TEX52: variants seen among roughly 807,000 people sequenced by gnomAD.
The protein encoded by TEX52 is testis-expressed protein 52.
TEX52 carries 22 observed loss-of-function variants against 17.6 expected under a neutral mutation model. That is an observed-to-expected ratio of 1.25 (90% CI 0.89 to 1.78). The LOEUF (loss-of-function observed/expected upper bound fraction) is 1.78. TEX52 is among the 40% of genes most tolerant of loss of function. The probability of loss-of-function intolerance (pLI) is 0.00; values close to 1 mark genes in which losing one functional copy is unlikely to be tolerated. For synonymous variants in TEX52, 168 were observed against 147.4 expected, an observed-to-expected ratio of 1.14 and a Z score of -1.01; for missense variants, 396 against 372.3, an observed-to-expected ratio of 1.06 and a Z score of -0.52.
At chr12:2,854,850 T>C (rs2098082158) in intron 2 of TEX52, 46 bp downstream of exon 2, 1 of 1,487,624 alleles carries the variant, frequency 6.7e-7, no homozygotes, top group Non-Finnish European at 8.9e-7. Flanking sequence ...AGGGGTCACC[T>C]GGGCAGGGCA....
intron 2 of TEX52, among the ~76,000 whole-genome samples, chr12:2,854,111 C>T (rs539222575): frequency 1.5e-4 from 23 of 152,294 alleles, no homozygotes; most frequent in African/African-American, 4.1e-4. Context: ...CTGCAACCTC[C>T]GCCTCCCAGG....
chr12:2,849,761 C>T (rs950644755), intron 2 of TEX52, among the ~76,000 whole-genome samples: 1 of 152,176 alleles, frequency 6.6e-6, no homozygotes, highest in East Asian at 1.9e-4. Context: ...AGCTAGTAAG[C>T]CTTCCATCCT....
chr12:2,855,133 G>A lies in TEX52; in HGVS notation c.386C>T (p.Ala129Val), dbSNP rs1291409204. The change falls in exon 2 of 3, where the codon GCC (alanine) becomes GTC (valine). Residue 129 changes from alanine (A) to valine (V), a missense_variant. Coordinates refer to ENST00000637658, the MANE Select transcript of TEX52 (RefSeq NM_001365174.2). ...NVWRWLTDSN[A>V]HRCPPTEHPI... ...GTGCTCCGTGGGGGGGCATCTGTGG[G>A]CATTGGAGTCGGTCAGCCAGCGCCA... 5 of 1,532,248 alleles carry A rather than the reference G, an allele frequency of 3.3e-6. No individual in the cohort carries two copies. Among genetic ancestry groups the A allele is most frequent in the Admixed American group, 2.0e-5 (1 of 50,862 alleles). 94.9% of individuals were successfully genotyped at this position (1,532,248 alleles called of 1,614,324 possible). A position where few individuals can be genotyped will look rare whatever the true frequency, so the allele number is the denominator to read the frequency against.
In TEX52 at chr12:2,855,280, C is replaced by T. The variant is rs999847870; in HGVS notation, c.239G>A (p.Arg80Gln). 27 of 1,517,558 alleles carry T rather than the reference C, an allele frequency of 1.8e-5. No homozygotes were observed. The highest frequency in any genetic ancestry group is 1.7e-4 in the Middle Eastern group (1 of 5,944). 94.0% of individuals were successfully genotyped at this position (1,517,558 alleles called of 1,614,324 possible). ...CTDMKSKVRQ[R>Q]LIHPWKGGAQ... is the part of the protein sequence containing the mutation. ...GCCACCCTTCCAAGGGTGGATGAGC[C>T]GCTGACGCACCTTGGACTTCATATC... The change falls in exon 2 of 3, where the codon CGG (arginine) becomes CAG (glutamine). Residue 80 changes from arginine (R) to glutamine (Q), a missense_variant. Arg to Gln is a conservative substitution (Grantham distance 43). Coordinates refer to ENST00000637658, the MANE Select transcript of TEX52 (RefSeq NM_001365174.2).
At chr12:2,850,079 A>G (rs575015588) in intron 2 of TEX52, among the ~76,000 whole-genome samples, 2 of 152,152 alleles carry the variant, frequency 1.3e-5, no homozygotes, top group Non-Finnish European at 2.9e-5. Context: ...CTGGCTGCAC[A>G]TTACAATCAC....
chr12:2,853,775 G>A lies in TEX52; in HGVS notation c.623+1121C>T, dbSNP rs550933811. ...GGCTGGACACAGTTGGGAAGCATCC[G>A]TGAGTTCCCAGGGTGGCCGGGAGGG... On this transcript the variant is annotated intron_variant, in intron 2 of 2. Transcript: ENST00000637658. Among the ~76,000 whole-genome samples the A allele has an allele frequency of 2.6e-4, 39 of 152,180 alleles. 1 individual carries two copies. Among genetic ancestry groups the A allele is most frequent in the South Asian group, 8.3e-4 (4 of 4,820 alleles).
intron 2 of TEX52, among the ~76,000 whole-genome samples, chr12:2,853,946 G>T (rs1430264974): frequency 1.3e-5 from 2 of 152,160 alleles, no homozygotes; most frequent in African/African-American, 4.8e-5. Flanking sequence ...TCCCCATGAG[G>T]CCTTCCTGTG....
In TEX52 at chr12:2,855,136, T is replaced by C. The variant is rs1333854175; in HGVS notation, c.383A>G (p.Asn128Ser). 2.0e-6 allele frequency: 3 copies of C among 1,531,012 alleles called. No individual in the cohort carries two copies. Among genetic ancestry groups the C allele is most frequent in the South Asian group, 1.2e-5 (1 of 83,556 alleles). 94.8% of individuals were successfully genotyped at this position (1,531,012 alleles called of 1,614,324 possible). Residue 128 changes from asparagine (N) to serine (S), a missense_variant, in exon 2 of 3, where the codon AAT becomes AGT. Transcript: ENST00000637658. ...CTCCGTGGGGGGGCATCTGTGGGCA[T>C]TGGAGTCGGTCAGCCAGCGCCAGAC... is the stretch of plus-strand genomic sequence containing the variant. ...SNVWRWLTDSNAHRCPPTEHP... is the reference protein window; with the variant it reads ...SNVWRWLTDSSAHRCPPTEHP...
intron 1 of TEX52, 68 bp downstream of exon 1, chr12:2,856,887 C>T: frequency 1.4e-6 from 1 of 701,770 alleles, no homozygotes; most frequent in East Asian, 2.7e-5. Context: ...GCCTGGCCCA[C>T]TATAAGGGAC....
intron 2 of TEX52, among the ~76,000 whole-genome samples, chr12:2,851,016 G>A (rs1349167275): frequency 4.1e-5 from 5 of 121,160 alleles, no homozygotes; most frequent in South Asian, 5.5e-4. Flanking sequence ...ACAGAGTCTC[G>A]CTTAGCCAGG....
In TEX52 at chr12:2,855,255, G is replaced by C. The variant is rs531686897; in HGVS notation, c.264C>G (p.Gly88=). Reference sequence around the variant, plus strand: ...TGTGAAAGCCCCAGGTGTGCTGGGCGCCACCCTTCCAAGGGTGGATGAGCC... The same window carrying C: ...TGTGAAAGCCCCAGGTGTGCTGGGCCCCACCCTTCCAAGGGTGGATGAGCC... ...RQRLIHPWKG[G]AQHTWGFHTW... The change falls in exon 2 of 3, where the codon GGC becomes GGG. Residue 88 remains glycine, a synonymous_variant. Transcript: ENST00000637658. The C allele has an allele frequency of 1.1e-5, 16 of 1,510,088 alleles. No homozygotes were observed. The East Asian group carries it at 2.0e-4, about 19-fold the overall frequency. 93.5% of individuals were successfully genotyped at this position (1,510,088 alleles called of 1,614,324 possible).
In TEX52 at chr12:2,857,014, G is replaced by T; in HGVS notation, c.13C>A (p.Arg5=). 2.8e-6 allele frequency: 2 copies of T among 702,980 alleles called. No homozygotes were observed. Among genetic ancestry groups the T allele is most frequent in the Middle Eastern group, 2.3e-4 (1 of 4,368 alleles). The allele number at this position is 702,980 out of a possible 1,614,324, so 43.5% of individuals were successfully genotyped here. A position where few individuals can be genotyped will look rare whatever the true frequency, so the allele number is the denominator to read the frequency against. MASN[R]QRSLRGPSHP... ...CTGGGCCCTCTGAGTGATCTTTGCCGGTTACTGGCCATTCTTCTGGGCCTC... is the reference window on the plus strand; with the variant it reads ...CTGGGCCCTCTGAGTGATCTTTGCCTGTTACTGGCCATTCTTCTGGGCCTC... Residue 5 remains arginine (R), a synonymous_variant, in exon 1 of 3, where the codon CGG becomes AGG. Transcript: ENST00000637658.
At position 2,855,927 on chromosome 12, in the gene TEX52, C is replaced by A. The variant is rs1031476327; in HGVS notation, c.73-481G>T. On this transcript the variant is annotated intron_variant, in intron 1 of 2. Coordinates refer to ENST00000637658, the MANE Select transcript of TEX52 (RefSeq NM_001365174.2). ...CAGAAAATAGGGCCAGGGGTTTTCC[C>A]ATCCCAGACTCCTCTCAATACTCAT... Among the ~76,000 whole-genome samples, 4 of 152,094 alleles carry A rather than the reference C, an allele frequency of 2.6e-5. No individual in the cohort carries two copies. In the South Asian group the frequency reaches 8.3e-4, roughly 32 times the overall value.
At chr12:2,850,811 T>C (rs2098067926) in intron 2 of TEX52, among the ~76,000 whole-genome samples, 1 of 151,536 alleles carries the variant, frequency 6.6e-6, no homozygotes, top group South Asian at 2.1e-4. Context: ...TAGCTGGGAT[T>C]ACAGGTGCAC....
chr12:2,854,262 T>C (rs1565452032), intron 2 of TEX52, among the ~76,000 whole-genome samples: 3 of 152,206 alleles, frequency 2.0e-5, no homozygotes, highest in Non-Finnish European at 4.4e-5. Context: ...CTACCTCAGG[T>C]GATCCGGCCG....
chr12:2,854,075 G>C (rs1281019242), intron 2 of TEX52, among the ~76,000 whole-genome samples: 2 of 152,078 alleles, frequency 1.3e-5, no homozygotes, highest in Non-Finnish European at 2.9e-5. Context: ...GCCCCGGCTG[G>C]AGTGCAATGG....
chr12:2,853,613 GTT>G (rs1394161799), intron 2 of TEX52, among the ~76,000 whole-genome samples: 1 of 113,950 alleles, frequency 8.8e-6, no homozygotes, highest in African/African-American at 3.1e-5. Context: ...TTTTGTTTTT[GTT>G]TTTTTTTCAG....
downstream of TEX52, chr12:2,848,999 C>T: frequency 1.9e-6 from 1 of 533,288 alleles, no homozygotes; most frequent in East Asian, 3.4e-5. Context: ...CGCAGTCCTC[C>T]CACCTTCGAT....
downstream of TEX52, among the ~76,000 whole-genome samples, chr12:2,847,784 CG>C (rs2098057674): frequency 6.6e-6 from 1 of 152,138 alleles, no homozygotes; most frequent in African/African-American, 2.4e-5. Flanking sequence ...AGGTACCTCA[CG>C]TAGGTGAAAT....
Sources: allele counts gnomAD v4.1 joint callset (sites outside exome capture counted in the v4.1 genomes callset), GRCh38; gene constraint gnomAD v4.1.1; transcripts MANE v1.5; gene names NCBI Gene and HGNC (gene_info 2026-07-23, HGNC 2026-07-21).